RAD18: variants seen among roughly 807,000 people sequenced by gnomAD.
RAD18 encodes the protein E3 ubiquitin-protein ligase RAD18.
Under a neutral mutation model 60.4 loss-of-function variants are expected in RAD18, and 47 were observed. The observed-to-expected ratio is 0.78, with a 90% CI of 0.62 to 0.99. RAD18 has a LOEUF of 0.99. RAD18 is among the 50% of genes least tolerant of loss of function. RAD18 has a pLI of 0.00. For synonymous variants in RAD18, 225 were observed against 195.5 expected (o/e 1.15, Z -1.26); for missense variants, 640 against 593.3 (o/e 1.08, Z -0.82).
In RAD18 at chr3:8,912,332, T is replaced by C. The variant is rs1011374416; in HGVS notation, c.1007A>G (p.Asp336Gly). ...FTKDQTEKEI[D>G]EIHSKYRKKH... ...CTTACGATATTTACTGTGGATTTCA[T>C]CTATTTCCTTTTCTGTTTGGTCCTT... Residue 336 changes from aspartate to glycine, a missense_variant, in exon 9 of 13, where the codon GAT (aspartate) becomes GGT (glycine). Coordinates refer to ENST00000264926, the MANE Select transcript of RAD18 (RefSeq NM_020165.4). 4 of 1,567,818 alleles carry C rather than the reference T, an allele frequency of 2.6e-6. No homozygotes were observed. The highest frequency in any genetic ancestry group is 1.2e-5 in the South Asian group (1 of 82,618).
chr3:8,936,792 C>T (rs11709327), intron 6 of RAD18, among the ~76,000 whole-genome samples: 18,436 of 152,168 alleles, frequency 0.12, 1,267 homozygotes, highest in East Asian at 0.23. Flanking sequence ...TTATTTAAAA[C>T]GCAGATTCTC....
At chr3:8,892,752 T>C (rs1168239351) in intron 11 of RAD18, among the ~76,000 whole-genome samples, 1 of 152,228 alleles carries the variant, frequency 6.6e-6, no homozygotes, top group East Asian at 1.9e-4. Context: ...AATTTACTAC[T>C]GAAGCTGAAA....
intron 9 of RAD18, among the ~76,000 whole-genome samples, chr3:8,902,800 G>A (rs966634795): frequency 2.0e-5 from 3 of 151,940 alleles, no homozygotes; most frequent in Non-Finnish European, 4.4e-5. Flanking sequence ...GCCGAAGTAG[G>A]TGGACCATTT....
In RAD18 at chr3:8,913,696, T is replaced by G. The variant is rs1168444256; in HGVS notation, c.914A>C (p.Glu305Ala). 6.3e-7 allele frequency: 1 copy of G among 1,578,340 alleles called. No homozygotes were observed. Among genetic ancestry groups the G allele is most frequent in the African/African-American group, 1.4e-5 (1 of 73,318 alleles). The part of the protein sequence containing the change: ...KSAAEIVREI[E>A]NIEKTRMRLE... ...ACGCATCCTAGTCTTCTCTATATTT[T>G]CGATTTCTCGAACTATTTCAGCAGC... Residue 305 changes from glutamate (E) to alanine (A), a missense_variant, in exon 8 of 13, where the codon GAA becomes GCA. Coordinates refer to ENST00000264926, the MANE Select transcript of RAD18 (RefSeq NM_020165.4).
chr3:8,902,508 TTA>T lies in RAD18; in HGVS notation c.1038_1039del (p.His346GlnfsTer3). On this transcript the variant is annotated frameshift_variant, in exon 10 of 13. Coordinates refer to ENST00000264926, the MANE Select transcript of RAD18 (RefSeq NM_020165.4). LOFTEE classifies it high-confidence loss of function. ...ATCCACCAGAAGCTGAAATTCACTCTTATGTTTTTTACCTGAAATTCAAAAGA... is the reference window on the plus strand; with the variant it reads ...ATCCACCAGAAGCTGAAATTCACTCTTGTTTTTTACCTGAAATTCAAAAGA... 1 of 1,601,642 alleles carries T rather than the reference TTA, an allele frequency of 6.2e-7. No homozygotes were observed. The highest frequency in any genetic ancestry group is 8.5e-7 in the Non-Finnish European group (1 of 1,176,158).
chr3:8,929,872 A>G (rs972985652), intron 7 of RAD18, among the ~76,000 whole-genome samples: 1 of 152,124 alleles, frequency 6.6e-6, no homozygotes, highest in Non-Finnish European at 1.5e-5. Context: ...CCAAATCCTG[A>G]CCTCAGGTGA....
At chr3:8,963,226 G>T in intron 1 of RAD18, 109 bp downstream of exon 1, 1 of 1,254,716 alleles carries the variant, frequency 8.0e-7, no homozygotes, top group Non-Finnish European at 1.1e-6. Context: ...CGGGCCCAGT[G>T]CGACGCTCGC....
At chr3:8,910,321 C>A (rs1041902199) in intron 9 of RAD18, among the ~76,000 whole-genome samples, 1 of 152,160 alleles carries the variant, frequency 6.6e-6, no homozygotes, top group African/African-American at 2.4e-5. Flanking sequence ...AAAAACAAGG[C>A]CAGGTGCAGT....
At chr3:8,933,509 C>G (rs1371164605) in intron 7 of RAD18, among the ~76,000 whole-genome samples, 1 of 152,104 alleles carries the variant, frequency 6.6e-6, no homozygotes, top group Non-Finnish European at 1.5e-5. Context: ...AAGCGACAAG[C>G]CATTGGATAT....
chr3:8,960,825 G>A (rs774558228), intron 1 of RAD18, among the ~76,000 whole-genome samples: 31 of 152,210 alleles, frequency 2.0e-4, no homozygotes, highest in Admixed American at 6.5e-4. Flanking sequence ...TCTCTGGGTG[G>A]TAGAATTATG....
At position 8,881,152 on chromosome 3, in the gene RAD18, T is replaced by C; in HGVS notation, c.*205A>G. ...GTCAGTATTTTTAGAGAGAGATGTT[T>C]TAGAGGCAGGAGGCAACTGACCAAG... On this transcript the variant is annotated 3_prime_UTR_variant, in exon 13 of 13. Coordinates refer to ENST00000264926, the MANE Select transcript of RAD18 (RefSeq NM_020165.4). 2 of 512,048 alleles carry C rather than the reference T, an allele frequency of 3.9e-6. No homozygotes were observed. Among genetic ancestry groups the C allele is most frequent in the Non-Finnish European group, 6.9e-6 (2 of 289,118 alleles). 31.7% of individuals were successfully genotyped at this position (512,048 alleles called of 1,614,324 possible).
At chr3:8,926,014 C>A (rs544950971) in intron 7 of RAD18, among the ~76,000 whole-genome samples, 5,478 of 151,238 alleles carry the variant, frequency 0.036, 334 homozygotes, top group African/African-American at 0.12. Flanking sequence ...GACAGGGATG[C>A]CCTCTCTCAC....
At chr3:8,920,295 A>G (rs945053682) in intron 7 of RAD18, among the ~76,000 whole-genome samples, 4 of 151,724 alleles carry the variant, frequency 2.6e-5, no homozygotes, top group African/African-American at 4.8e-5. Context: ...AAAAAAAAAA[A>G]AAAGAAAAAG....
intron 8 of RAD18, among the ~76,000 whole-genome samples, chr3:8,913,009 C>T (rs1940129561): frequency 6.8e-6 from 1 of 147,110 alleles, no homozygotes; most frequent in African/African-American, 2.5e-5. Flanking sequence ...ATTGCTTTCT[C>T]CTTACAAACA....
At chr3:8,898,795 G>T in intron 11 of RAD18, 99 bp downstream of exon 11, 1 of 1,042,208 alleles carries the variant, frequency 9.6e-7, no homozygotes, top group Non-Finnish European at 1.3e-6. Context: ...GACACACCAT[G>T]CCATGCCTCA....
chr3:8,904,765 A>C (rs1456937222), intron 9 of RAD18, among the ~76,000 whole-genome samples: 2 of 152,220 alleles, frequency 1.3e-5, no homozygotes, highest in Non-Finnish European at 2.9e-5. Context: ...TGGGATCTAC[A>C]TAATTTAGTT....
chr3:8,959,831 C>T (rs1941067485), intron 1 of RAD18, among the ~76,000 whole-genome samples: 1 of 145,714 alleles, frequency 6.9e-6, no homozygotes, highest in African/African-American at 2.6e-5. Flanking sequence ...GCAGTGAGCC[C>T]ACATCGCACC....
intron 12 of RAD18, among the ~76,000 whole-genome samples, chr3:8,884,604 T>A (rs1324138313): frequency 6.9e-6 from 1 of 144,820 alleles, no homozygotes; most frequent in Non-Finnish European, 1.5e-5. Flanking sequence ...TTGTTTTTAA[T>A]AATCCTTTAA....
In RAD18 at chr3:8,935,906, T is replaced by C; in HGVS notation, c.854A>G (p.Tyr285Cys). ...ATGCAAAGCATCGCATTGGGCATTG[T>C]ACATGTGTACAAATTCTTGGTGCCT... Reference protein sequence around the residue: ...IKRHQEFVHMYNAQCDALHPK... With the variant: ...IKRHQEFVHMCNAQCDALHPK... The change falls in exon 7 of 13, where the codon TAC (tyrosine) becomes TGC (cysteine). Residue 285 changes from tyrosine (Y) to cysteine (C), a missense_variant. Tyr to Cys is a radical substitution (Grantham distance 194, BLOSUM62 -2). Transcript: ENST00000264926. The C allele has an allele frequency of 6.2e-7, 1 of 1,610,664 alleles. No individual in the cohort carries two copies. Among genetic ancestry groups the C allele is most frequent in the Non-Finnish European group, 8.5e-7 (1 of 1,178,464 alleles).
Sources: allele counts gnomAD v4.1 joint callset (sites outside exome capture counted in the v4.1 genomes callset), GRCh38; gene constraint gnomAD v4.1.1; transcripts MANE v1.5; gene names NCBI Gene and HGNC (gene_info 2026-07-23, HGNC 2026-07-21).